The following ELP4 variants were observed in gnomAD, a reference collection of about 807,000 sequenced individuals.
ELP4 encodes the protein elongator acetyltransferase complex subunit 4.
In ELP4, 51 loss-of-function variants were observed where a neutral mutation model predicts 48.9. That is an observed-to-expected ratio of 1.04 (90% CI 0.83 to 1.32). The LOEUF is 1.32. Among genes scored for constraint, ELP4 ranks in the 40% most tolerant of loss-of-function variants. The pLI is 0.00. For synonymous variants in ELP4, 210 were observed against 189.2 expected, an observed-to-expected ratio of 1.11 and a Z score of -0.90; for missense variants, 519 against 514.6, an observed-to-expected ratio of 1.01 and a Z score of -0.08.
intron 3 of ELP4, among the ~76,000 whole-genome samples, chr11:31,553,426 C>T (rs144449299): frequency 2.0e-3 from 308 of 152,154 alleles, no homozygotes; most frequent in African/African-American, 7.1e-3. Flanking sequence ...AAAACAAAAA[C>T]GCTGACCATC....
chr11:31,758,610 T>C (rs1050396686), intron 9 of ELP4, among the ~76,000 whole-genome samples: 4 of 151,828 alleles, frequency 2.6e-5, no homozygotes, highest in Admixed American at 1.3e-4. Context: ...CACCTCACAC[T>C]AAAACATTTT....
intron 3 of ELP4, among the ~76,000 whole-genome samples, chr11:31,562,386 A>C (rs915904526): frequency 1.3e-5 from 2 of 152,150 alleles, no homozygotes; most frequent in African/African-American, 2.4e-5. Flanking sequence ...AATCAAGAAA[A>C]ATGAAAGAAA....
At chr11:31,779,218 C>A (rs1222003609) in intron 9 of ELP4, among the ~76,000 whole-genome samples, 1 of 152,154 alleles carries the variant, frequency 6.6e-6, no homozygotes, top group African/African-American at 2.4e-5. Flanking sequence ...TTTCAGAAAA[C>A]AAACAGTGCC....
intron 9 of ELP4, among the ~76,000 whole-genome samples, chr11:31,699,701 A>G (rs1253291097): frequency 1.3e-5 from 2 of 152,120 alleles, no homozygotes; most frequent in Non-Finnish European, 2.9e-5. Flanking sequence ...AAGGGATGAC[A>G]TGACAGTGGA....
chr11:31,581,080 A>G (rs1260764441), intron 3 of ELP4, among the ~76,000 whole-genome samples: 1 of 152,156 alleles, frequency 6.6e-6, no homozygotes, highest in Non-Finnish European at 1.5e-5. Context: ...ATGAATTACG[A>G]ATTCATCTCA....
At chr11:31,589,072 A>C (rs1565068643) in intron 3 of ELP4, among the ~76,000 whole-genome samples, 2 of 152,210 alleles carry the variant, frequency 1.3e-5, no homozygotes, top group Non-Finnish European at 2.9e-5. Context: ...GCAACATAAT[A>C]GGGATAGAGA....
chr11:31,656,586 CT>C (rs1203116569), intron 9 of ELP4, among the ~76,000 whole-genome samples: 1 of 151,794 alleles, frequency 6.6e-6, no homozygotes, highest in African/African-American at 2.4e-5. Flanking sequence ...TTACATTGCA[CT>C]ATTTATTTAT....
intron 7 of ELP4, among the ~76,000 whole-genome samples, chr11:31,637,156 C>A (rs1165888858): frequency 1.3e-5 from 2 of 151,732 alleles, no homozygotes; most frequent in Non-Finnish European, 2.9e-5. Flanking sequence ...TTGTTCCACT[C>A]GCCAAGAAGC....
intron 9 of ELP4, among the ~76,000 whole-genome samples, chr11:31,721,333 A>G (rs888729751): frequency 3.3e-5 from 5 of 152,190 alleles, no homozygotes; most frequent in Non-Finnish European, 5.9e-5. Context: ...TTTGGTATGC[A>G]TGATTTTCCT....
chr11:31,567,036 A>AT (rs34131198), intron 3 of ELP4, among the ~76,000 whole-genome samples: 11 of 150,190 alleles, frequency 7.3e-5, no homozygotes, highest in South Asian at 2.1e-4. Context: ...TTCTTTATTT[A>AT]TTTTTTTTTT....
intron 7 of ELP4, among the ~76,000 whole-genome samples, chr11:31,645,163 A>G (rs1264910903): frequency 6.6e-6 from 1 of 151,780 alleles, no homozygotes; most frequent in Non-Finnish European, 1.5e-5. Flanking sequence ...ATAGTTAATG[A>G]CTATGATGCA....
chr11:31,521,641 A>T (rs1013641109), intron 2 of ELP4, among the ~76,000 whole-genome samples: 1 of 152,120 alleles, frequency 6.6e-6, no homozygotes, highest in African/African-American at 2.4e-5. Context: ...ATCCTTGATA[A>T]ATTCATGCAC....
At chr11:31,609,564 G>C (rs1394522617) in intron 5 of ELP4, among the ~76,000 whole-genome samples, 1 of 152,034 alleles carries the variant, frequency 6.6e-6, no homozygotes, top group East Asian at 1.9e-4. Context: ...CAGCCTTATG[G>C]GTTGCTTTGT....
intron 9 of ELP4, among the ~76,000 whole-genome samples, chr11:31,674,536 G>A (rs1163948179): frequency 6.6e-6 from 1 of 152,198 alleles, no homozygotes; most frequent in Non-Finnish European, 1.5e-5. Context: ...TCTATAGAAT[G>A]AGTATATTTG....
intron 2 of ELP4, among the ~76,000 whole-genome samples, chr11:31,525,384 A>G (rs544826940): frequency 1.3e-5 from 2 of 152,322 alleles, no homozygotes; most frequent in South Asian, 4.1e-4. Flanking sequence ...CTGTTAGGCA[A>G]GATAAATCTC....
At chr11:31,559,525 A>G (rs1014492432) in intron 3 of ELP4, among the ~76,000 whole-genome samples, 17 of 152,216 alleles carry the variant, frequency 1.1e-4, no homozygotes, top group African/African-American at 4.1e-4. Context: ...AAAGTATAAC[A>G]TATAGGCTGC....
chr11:31,556,438 A>AT (rs1259899541), intron 3 of ELP4, among the ~76,000 whole-genome samples: 1 of 149,602 alleles, frequency 6.7e-6, no homozygotes, highest in Non-Finnish European at 1.5e-5. Flanking sequence ...TAGTAGACTG[A>AT]TTTTTTATGA....
At chr11:31,714,663 G>A (rs1270090891) in intron 9 of ELP4, 10 of 398,440 alleles carry the variant, frequency 2.5e-5, no homozygotes, top group African/African-American at 1.2e-4. Flanking sequence ...GCACAGCTAC[G>A]TTCCTCCTGG....
chr11:31,559,047 A>G (rs1227544717), intron 3 of ELP4, among the ~76,000 whole-genome samples: 2 of 152,160 alleles, frequency 1.3e-5, no homozygotes, highest in Non-Finnish European at 2.9e-5. Context: ...CAGCTCCCCA[A>G]ATTAACATAT....
Sources: allele counts gnomAD v4.1 joint callset (sites outside exome capture counted in the v4.1 genomes callset), GRCh38; gene constraint gnomAD v4.1.1; transcripts MANE v1.5; gene names NCBI Gene and HGNC (gene_info 2026-07-23, HGNC 2026-07-21).